Variants in CHMP4B observed in about 807,000 individuals in gnomAD.
CHMP4B encodes charged multivesicular body protein 4B.
In CHMP4B, 1 loss-of-function variant was observed where a neutral mutation model predicts 25.1. The observed-to-expected ratio is 0.04, with a 90% CI of 0.01 to 0.19. The LOEUF is 0.19. Ranked by LOEUF, CHMP4B falls within the 10% of genes least tolerant of loss-of-function variation. The pLI is 1.00. For missense variants in CHMP4B, 151 were observed against 289.7 expected, an observed-to-expected ratio of 0.52 and a Z score of 3.48; for synonymous variants, 101 against 115.6, an observed-to-expected ratio of 0.87 and a Z score of 0.81.
At chr20:33,815,695 T>C (rs1239676875) in intron 1 of CHMP4B, among the ~76,000 whole-genome samples, 1 of 152,212 alleles carries the variant, frequency 6.6e-6, no homozygotes, top group Non-Finnish European at 1.5e-5. Context: ...TGGTCAGCAT[T>C]TGTTAAATGA....
At chr20:33,853,376 A>T in intron 4 of CHMP4B, 120 bp from the exon 5 acceptor site, 1 of 858,562 alleles carries the variant, frequency 1.2e-6, no homozygotes, top group Non-Finnish European at 2.0e-6. Context: ...CCTGGAGAGG[A>T]GTCTGGCCAC....
chr20:33,842,952 G>A (rs375162600), intron 1 of CHMP4B, among the ~76,000 whole-genome samples: 1 of 152,228 alleles, frequency 6.6e-6, no homozygotes, highest in South Asian at 2.1e-4. Context: ...GGGACAGGCA[G>A]ACTTGCCGTC....
At chr20:33,843,329 T>C (rs1979595528) in intron 1 of CHMP4B, among the ~76,000 whole-genome samples, 1 of 152,244 alleles carries the variant, frequency 6.6e-6, no homozygotes. Flanking sequence ...TAATTAAATA[T>C]GGAGATTCCA....
intron 1 of CHMP4B, among the ~76,000 whole-genome samples, chr20:33,837,455 C>T (rs763725806): frequency 6.6e-6 from 1 of 151,766 alleles, no homozygotes; most frequent in Admixed American, 6.6e-5. Context: ...AAAAAAACCT[C>T]AAGAAGGAAT....
intron 1 of CHMP4B, among the ~76,000 whole-genome samples, chr20:33,819,058 C>T (rs988512312): frequency 2.0e-5 from 3 of 152,086 alleles, no homozygotes; most frequent in Admixed American, 6.6e-5. Flanking sequence ...TACAGGCATG[C>T]GCCACCAAGC....
At chr20:33,811,776 C>T in intron 1 of CHMP4B, 118 bp downstream of exon 1, 1 of 1,069,150 alleles carries the variant, frequency 9.4e-7, no homozygotes, top group Non-Finnish European at 1.4e-6. Context: ...CTCTCCGGGT[C>T]AGACTTCTTG....
chr20:33,832,846 A>G (rs1045727520), intron 1 of CHMP4B, among the ~76,000 whole-genome samples: 2 of 149,724 alleles, frequency 1.3e-5, no homozygotes, highest in African/African-American at 4.9e-5. Flanking sequence ...TGGCGCAATC[A>G]TAGCTCACTG....
intron 1 of CHMP4B, among the ~76,000 whole-genome samples, chr20:33,833,186 A>T (rs1979302701): frequency 6.6e-6 from 1 of 152,106 alleles, no homozygotes; most frequent in Non-Finnish European, 1.5e-5. Flanking sequence ...TGCTAACTTG[A>T]ATTTTGAAGC....
At position 33,845,470 on chromosome 20, in the gene CHMP4B, G is replaced by A. The variant is rs141335009; in HGVS notation, c.191-2997G>A. ...CCCGAGTAGCTGGGACTACAGGTGCGCGCCACCATGTCCGGCTAATTTTTG... is the reference window on the plus strand; with the variant it reads ...CCCGAGTAGCTGGGACTACAGGTGCACGCCACCATGTCCGGCTAATTTTTG... On this transcript the variant is annotated intron_variant, in intron 1 of 4. Coordinates refer to ENST00000217402, the MANE Select transcript of CHMP4B (RefSeq NM_176812.5). Among the ~76,000 whole-genome samples the A allele has an allele frequency of 8.4e-3, 1,281 of 152,132 alleles. 13 individuals are homozygous for A. The highest frequency in any genetic ancestry group is 0.028 in the African/African-American group (1,179 of 41,500).
intron 2 of CHMP4B, among the ~76,000 whole-genome samples, chr20:33,849,318 G>T (rs1452672599): frequency 6.6e-6 from 1 of 152,196 alleles, no homozygotes; most frequent in East Asian, 1.9e-4. Context: ...CTGCATTTGG[G>T]CTGGGTGAGG....
At chr20:33,843,785 G>C (rs776147243) in intron 1 of CHMP4B, among the ~76,000 whole-genome samples, 1 of 152,204 alleles carries the variant, frequency 6.6e-6, no homozygotes, top group Non-Finnish European at 1.5e-5. Flanking sequence ...CCATGCATTT[G>C]TAAGATATAG....
At chr20:33,822,023 C>T (rs900825330) in intron 1 of CHMP4B, among the ~76,000 whole-genome samples, 4 of 151,264 alleles carry the variant, frequency 2.6e-5, no homozygotes, top group African/African-American at 9.7e-5. Flanking sequence ...TGGGGTTTTG[C>T]CATGTTGCCC....
chr20:33,814,073 C>T (rs1978716346), intron 1 of CHMP4B, among the ~76,000 whole-genome samples: 1 of 152,204 alleles, frequency 6.6e-6, no homozygotes, highest in African/African-American at 2.4e-5. Flanking sequence ...CAAGGGGCTG[C>T]AGGAGAGCTC....
At chr20:33,819,629 C>T (rs1388634075) in intron 1 of CHMP4B, among the ~76,000 whole-genome samples, 1 of 152,136 alleles carries the variant, frequency 6.6e-6, no homozygotes, top group East Asian at 1.9e-4. Context: ...CTATACATCC[C>T]TCTGGTTGTG....
At chr20:33,847,774 T>C (rs1018018745) in intron 1 of CHMP4B, among the ~76,000 whole-genome samples, 26 of 152,176 alleles carry the variant, frequency 1.7e-4, no homozygotes, top group Non-Finnish European at 3.4e-4. Context: ...GGCATGGGGC[T>C]TCTTGCTTTT....
At chr20:33,844,915 C>T (rs1217079354) in intron 1 of CHMP4B, among the ~76,000 whole-genome samples, 2 of 152,110 alleles carry the variant, frequency 1.3e-5, no homozygotes, top group African/African-American at 2.4e-5. Flanking sequence ...CCTGCCACCA[C>T]ACCCGGCTAA....
At position 33,811,700 on chromosome 20, in the gene CHMP4B, C is replaced by G. The variant is rs1227987248; in HGVS notation, c.190+42C>G. On this transcript the variant is annotated intron_variant, in intron 1 of 4. Coordinates refer to ENST00000217402, the MANE Select transcript of CHMP4B (RefSeq NM_176812.5). Reference sequence around the variant, plus strand: ...CCTTCAGACTTGCCACGGGCTCCCCCCAGGCTCCCCGGGCCCGGACTTCAC... The same window carrying G: ...CCTTCAGACTTGCCACGGGCTCCCCGCAGGCTCCCCGGGCCCGGACTTCAC... 4.4e-6 allele frequency: 7 copies of G among 1,592,702 alleles called. No homozygotes were observed. In the East Asian group the frequency reaches 6.8e-5, roughly 15 times the overall value.
intron 1 of CHMP4B, among the ~76,000 whole-genome samples, chr20:33,841,376 T>C (rs1012915910): frequency 1.3e-5 from 2 of 152,188 alleles, no homozygotes; most frequent in Non-Finnish European, 2.9e-5. Context: ...AAAAGCTGTC[T>C]GCACCTCTAG....
In CHMP4B at chr20:33,853,518, C is replaced by A; in HGVS notation, c.633C>A (p.Asp211Glu). The change falls in exon 5 of 5, where the codon GAC becomes GAA. Residue 211 changes from aspartate (D) to glutamate (E), a missense_variant. By Grantham distance (45) the Asp-to-Glu change is conservative. Around this residue, in one of 3 missense-constraint regions of CHMP4B, gnomAD observed 41 missense variants for 50.9 expected, o/e 0.81. Coordinates refer to ENST00000217402, the MANE Select transcript of CHMP4B (RefSeq NM_176812.5). ...CAGCCAAGAAGAAAGAAGAGGAGGA[C>A]GACGACATGAAGGAATTGGAGAACT... is the stretch of plus-strand genomic sequence containing the variant. ...SKPAKKKEEE[D>E]DDMKELENWA... 6.2e-7 allele frequency: 1 copy of A among 1,613,646 alleles called. No homozygotes were observed. The highest frequency in any genetic ancestry group is 8.5e-7 in the Non-Finnish European group (1 of 1,179,880).
Sources: allele counts gnomAD v4.1 joint callset (sites outside exome capture counted in the v4.1 genomes callset), GRCh38; gene constraint gnomAD v4.1.1; regional missense constraint gnomAD v4.1.1; transcripts MANE v1.5; gene names NCBI Gene and HGNC (gene_info 2026-07-23, HGNC 2026-07-21).